Variants in MYG1 observed in about 807,000 individuals in gnomAD.
MYG1 encodes the protein MYG1 exonuclease.
A neutral mutation model predicts 43.5 loss-of-function variants in MYG1; 36 were observed. The ratio of observed to expected loss-of-function variants is 0.83; its 90% CI spans 0.63 to 1.09. MYG1 has a LOEUF of 1.09. MYG1 is among the 50% of genes least tolerant of loss of function. The pLI is 0.00. For synonymous variants in MYG1, 220 were observed against 202.8 expected (o/e 1.08, Z -0.72); for missense variants, 529 against 495.1 (o/e 1.07, Z -0.65).
chr12:53,301,979 AT>A (rs1402139006), intron 2 of MYG1, among the ~76,000 whole-genome samples: 2 of 146,414 alleles, frequency 1.4e-5, no homozygotes, highest in Admixed American at 6.8e-5. Context: ...GCCCAGCCTC[AT>A]TTTTTTTATT....
intron 2 of MYG1, among the ~76,000 whole-genome samples, chr12:53,300,983 G>A (rs1195265232): frequency 6.7e-6 from 1 of 149,382 alleles, no homozygotes; most frequent in Non-Finnish European, 1.5e-5. Context: ...GTAGTGGCAC[G>A]ATCTCGGCTC....
Position 53,299,778 on chromosome 12 carries a change from T to C in MYG1, c.41T>C (p.Leu14Pro). Residue 14 changes from leucine to proline, a missense_variant, in exon 1 of 7, where the codon CTG becomes CCG. Coordinates refer to ENST00000267103, the MANE Select transcript of MYG1 (RefSeq NM_021640.4). ...QFLRGLLTLLLPPPPLYTRHR... is the reference protein window; with the variant it reads ...QFLRGLLTLLPPPPPLYTRHR... ...CTGCGCGGCCTCTTAACGCTGCTGC[T>C]GCCGCCGCCACCCCTGTATACCCGG... 10 of 1,614,006 alleles carry C rather than the reference T, an allele frequency of 6.2e-6. No homozygotes were observed. The highest frequency in any genetic ancestry group is 1.7e-4 in the Middle Eastern group (1 of 6,060).
chr12:53,305,731 C>A (rs767539091), intron 3 of MYG1, 177 bp from the exon 4 acceptor site: 82 of 688,460 alleles, frequency 1.2e-4, no homozygotes, highest in Non-Finnish European at 1.8e-4. Flanking sequence ...CACAGCACAA[C>A]GAGCTGTCTG....
chr12:53,306,359 CTGACTGCCAATCAACAGGA>C (rs1944280514), intron 5 of MYG1, 39 bp downstream of exon 5: 1 of 1,609,870 alleles, frequency 6.2e-7, no homozygotes, highest in African/African-American at 1.3e-5. Flanking sequence ...TTGAGGATTA[CTGACTGCCAATCAACAGGA>C]ACTCCTGCTT....
Position 53,306,826 on chromosome 12 carries a change from G to A in MYG1, c.912G>A (p.Gln304=), listed in dbSNP as rs1253231613. 6.2e-7 allele frequency: 1 copy of A among 1,614,068 alleles called. No individual in the cohort carries two copies. Among genetic ancestry groups the A allele is most frequent in the South Asian group, 1.1e-5 (1 of 91,072 alleles). ...YTDQAGQWRI[Q]CVPKEPHSFQ... ...ACCAGGCTGGACAGTGGCGAATACA[G>A]TGTGTGCCCAAGGAGCCCCACTCAT... The change falls in exon 6 of 7, where the codon CAG becomes CAA. Residue 304 remains glutamine, a synonymous_variant. Transcript: ENST00000267103.
Position 53,299,921 on chromosome 12 carries a change from T to C in MYG1, c.184T>C (p.Cys62Arg), listed in dbSNP as rs143220786. Residue 62 changes from cysteine to arginine, a missense_variant, in exon 1 of 7, where the codon TGC becomes CGC. By Grantham distance (180) the Cys-to-Arg change is radical. Transcript: ENST00000267103. Reference sequence around the variant, plus strand: ...CTTCCACTGCGACGAGGCACTGGCATGCGCACTGCTTCGCCTCCTGCCGGA... The same window carrying C: ...CTTCCACTGCGACGAGGCACTGGCACGCGCACTGCTTCGCCTCCTGCCGGA... ...GTFHCDEALA[C>R]ALLRLLPEYR... The C allele has an allele frequency of 1.2e-5, 20 of 1,614,214 alleles. No homozygotes were observed. Among genetic ancestry groups the C allele is most frequent in the Non-Finnish European group, 1.7e-5 (20 of 1,180,038 alleles).
chr12:53,307,106 G>T lies in MYG1; in HGVS notation c.1088G>T (p.Arg363Leu). The T allele has an allele frequency of 1.2e-6, 2 of 1,613,854 alleles. No homozygotes were observed. The highest frequency in any genetic ancestry group is 1.7e-6 in the Non-Finnish European group (2 of 1,179,824). The change falls in exon 7 of 7, where the codon CGT becomes CTT. Residue 363 changes from arginine (R) to leucine (L), a missense_variant. Physicochemically the swap from Arg to Leu is moderately radical, Grantham distance 102. Coordinates refer to ENST00000267103, the MANE Select transcript of MYG1 (RefSeq NM_021640.4). ...CGAGAGGGTGCCTTGAGCATGGCCC[G>T]TGCCACCTTGGCCCAGCGCTCATAC... Reference protein sequence around the residue: ...HTREGALSMARATLAQRSYLP... With the variant: ...HTREGALSMALATLAQRSYLP...
chr12:53,304,120 G>C (rs1400695554), intron 3 of MYG1, among the ~76,000 whole-genome samples: 1 of 152,068 alleles, frequency 6.6e-6, no homozygotes, highest in East Asian at 1.9e-4. Flanking sequence ...TGGGATTACA[G>C]GTCTGAGCCA....
In MYG1 at chr12:53,307,157, A is replaced by C. The variant is rs368122295; in HGVS notation, c.*8A>C. The C allele has an allele frequency of 1.4e-5, 23 of 1,602,030 alleles. No individual in the cohort carries two copies. Among genetic ancestry groups the C allele is most frequent in the Non-Finnish European group, 1.9e-5 (22 of 1,173,758 alleles). On this transcript the variant is annotated 3_prime_UTR_variant, in exon 7 of 7. Transcript: ENST00000267103. ...CTCCCACAAATCTCCTAGTCTAATA[A>C]AACCTTCCATCTCATACTGACCCAG...
At position 53,307,093 on chromosome 12, in the gene MYG1, T is replaced by G; in HGVS notation, c.1075T>G (p.Leu359Val). 6.2e-7 allele frequency: 1 copy of G among 1,614,152 alleles called. No homozygotes were observed. The highest frequency in any genetic ancestry group is 8.5e-7 in the Non-Finnish European group (1 of 1,179,990). Residue 359 changes from leucine to valine, a missense_variant, in exon 7 of 7, where the codon TTG becomes GTG. Leu to Val is a conservative substitution (Grantham distance 32, BLOSUM62 1). Coordinates refer to ENST00000267103, the MANE Select transcript of MYG1 (RefSeq NM_021640.4). Reference sequence around the variant, plus strand: ...CGGTCACCACACCCGAGAGGGTGCCTTGAGCATGGCCCGTGCCACCTTGGC... The same window carrying G: ...CGGTCACCACACCCGAGAGGGTGCCGTGAGCATGGCCCGTGCCACCTTGGC... ...TGGHHTREGA[L>V]SMARATLAQR...
At chr12:53,302,813 C>T (rs1944241259) in intron 2 of MYG1, among the ~76,000 whole-genome samples, 1 of 152,166 alleles carries the variant, frequency 6.6e-6, no homozygotes, top group African/African-American at 2.4e-5. Context: ...TCCCTTCCTT[C>T]CTTTCCCTTG....
At chr12:53,300,347 G>A (rs1443560061) in intron 2 of MYG1, 85 bp downstream of exon 2, 7 of 1,031,042 alleles carry the variant, frequency 6.8e-6, no homozygotes, top group African/African-American at 4.9e-5. Flanking sequence ...GCCGTAGTCC[G>A]CGTCAGCGAA....
rs781240956 is a variant in MYG1 at position 53,300,130 on chromosome 12, C to T, written c.217-20C>T. On this transcript the variant is annotated intron_variant, in intron 1 of 6. Transcript: ENST00000267103. The stretch of plus-strand genomic sequence containing the variant: ...ACCCGGCGACACCCGGCAGCCCCTT[C>T]ACCCCTGTGTACCTCGCAGGATGCA... 2 of 1,579,812 alleles carry T rather than the reference C, an allele frequency of 1.3e-6. No homozygotes were observed. Among genetic ancestry groups the T allele is most frequent in the Middle Eastern group, 1.7e-4 (1 of 5,908 alleles).
intron 1 of MYG1, 86 bp from the exon 2 acceptor site, chr12:53,300,064 C>T (rs985742609): frequency 2.0e-6 from 3 of 1,523,816 alleles, no homozygotes; most frequent in Admixed American, 3.8e-5. Flanking sequence ...AAGCACCCTT[C>T]CTACCCTTCC....
chr12:53,304,907 C>T (rs1186380300), intron 3 of MYG1, among the ~76,000 whole-genome samples: 2 of 133,004 alleles, frequency 1.5e-5, no homozygotes, highest in African/African-American at 5.8e-5. Flanking sequence ...CTCGCTCTGT[C>T]GCCCAGGCTG....
At chr12:53,301,065 A>G (rs543606573) in intron 2 of MYG1, among the ~76,000 whole-genome samples, 1 of 151,666 alleles carries the variant, frequency 6.6e-6, no homozygotes. Flanking sequence ...GACTACAGGC[A>G]CCCACCACCA....
intron 1 of MYG1, 84 bp from the exon 2 acceptor site, chr12:53,300,057 CACCCTTCCT>C (rs1944213829): frequency 2.0e-6 from 3 of 1,538,262 alleles, no homozygotes; most frequent in Non-Finnish European, 2.7e-6. Context: ...GCAGCCCAAG[CACCCTTCCT>C]ACCCTTCCTG....
In MYG1 at chr12:53,300,116, C is replaced by G. The variant is rs763387459; in HGVS notation, c.217-34C>G. 7 of 1,561,454 alleles carry G rather than the reference C, an allele frequency of 4.5e-6. No homozygotes were observed. The African/African-American group carries it at 8.1e-5, about 18-fold the overall frequency. ...AGCATTAATCCCCTACCCGGCGACA[C>G]CCGGCAGCCCCTTCACCCCTGTGTA... On this transcript the variant is annotated intron_variant, in intron 1 of 6. Transcript: ENST00000267103.
chr12:53,302,994 A>T (rs766678154), intron 2 of MYG1, 40 bp from the exon 3 acceptor site: 1 of 1,544,036 alleles, frequency 6.5e-7, no homozygotes, highest in East Asian at 2.3e-5. Flanking sequence ...GACTCTAGCC[A>T]AGGTCCCTCA....
Sources: allele counts gnomAD v4.1 joint callset (sites outside exome capture counted in the v4.1 genomes callset), GRCh38; gene constraint gnomAD v4.1.1; transcripts MANE v1.5; gene names NCBI Gene and HGNC (gene_info 2026-07-23, HGNC 2026-07-21).